The following ADAMTS12 variants were observed in gnomAD, a reference collection of about 807,000 sequenced individuals.
The protein encoded by ADAMTS12 is ADAM metallopeptidase with thrombospondin type 1 motif 12.
A neutral mutation model predicts 167.8 loss-of-function variants in ADAMTS12; 118 were observed. The ratio of observed to expected loss-of-function variants is 0.70; its 90% confidence interval spans 0.61 to 0.82. The LOEUF (loss-of-function observed/expected upper bound fraction) is 0.82. Ranked by LOEUF, ADAMTS12 falls within the 40% of genes least tolerant of loss-of-function variation. The probability of loss-of-function intolerance (pLI) is 0.00; values close to 1 mark genes in which losing one functional copy is unlikely to be tolerated. For missense variants in ADAMTS12, 1,916 were observed against 1,998.8 expected (o/e 0.96, Z 0.79); for synonymous variants, 704 against 716.9 (o/e 0.98, Z 0.29).
At chr5:33,809,847 C>T (rs115067935) in intron 2 of ADAMTS12, among the ~76,000 whole-genome samples, 2,102 of 151,312 alleles carry the variant, frequency 0.014, 53 homozygotes, top group African/African-American at 0.049. Context: ...GAGTTCCAGG[C>T]AGATGGGAGG....
chr5:33,732,236 T>TA (rs1744219439), intron 3 of ADAMTS12, among the ~76,000 whole-genome samples: 1 of 151,886 alleles, frequency 6.6e-6, no homozygotes, highest in East Asian at 1.9e-4. Flanking sequence ...ATAGAAGTGC[T>TA]AAAAAAAATA....
At chr5:33,771,820 C>T (rs2112426575) in intron 2 of ADAMTS12, among the ~76,000 whole-genome samples, 1 of 151,068 alleles carries the variant, frequency 6.6e-6, no homozygotes, top group Non-Finnish European at 1.5e-5. Flanking sequence ...TCCCCTCATC[C>T]TTTTTCTTTC....
At chr5:33,850,967 G>T (rs922975873) in intron 2 of ADAMTS12, among the ~76,000 whole-genome samples, 1 of 152,218 alleles carries the variant, frequency 6.6e-6, no homozygotes, top group South Asian at 2.1e-4. Flanking sequence ...CTGGAATCTT[G>T]AGTGTTAAGA....
chr5:33,578,119 C>A (rs1391095727), intron 18 of ADAMTS12, among the ~76,000 whole-genome samples: 1 of 152,146 alleles, frequency 6.6e-6, no homozygotes, highest in Non-Finnish European at 1.5e-5. Flanking sequence ...AGTCAACCAC[C>A]AAATAGTTGG....
Position 33,548,295 on chromosome 5 carries a change from C to T in ADAMTS12, c.4302+912G>A, listed in dbSNP as rs148525833. Reference sequence around the variant, plus strand: ...ATCAAAGATGAGCAATCAAATCTTTCTGGTTGTGAATGCCTTATGTTTGAA... The same window carrying T: ...ATCAAAGATGAGCAATCAAATCTTTTTGGTTGTGAATGCCTTATGTTTGAA... On this transcript the variant is annotated intron_variant, in intron 21 of 23. Coordinates refer to ENST00000504830, the MANE Select transcript of ADAMTS12 (RefSeq NM_030955.4). Among the ~76,000 whole-genome samples, 12 of 152,318 alleles carry T rather than the reference C, an allele frequency of 7.9e-5. No individual in the cohort carries two copies. In the East Asian group the frequency reaches 2.1e-3, roughly 27 times the overall value.
intron 1 of ADAMTS12, among the ~76,000 whole-genome samples, chr5:33,883,302 T>G (rs1750515543): frequency 6.6e-6 from 1 of 151,210 alleles, no homozygotes; most frequent in Non-Finnish European, 1.5e-5. Context: ...AGAGTTTTTT[T>G]GTTTGTTTGT....
chr5:33,669,163 A>G (rs561258826), intron 5 of ADAMTS12, among the ~76,000 whole-genome samples: 3 of 152,332 alleles, frequency 2.0e-5, no homozygotes, highest in African/African-American at 7.2e-5. Context: ...GAACATGTCT[A>G]TGTTCAGCAA....
chr5:33,776,758 G>A (rs1336102111), intron 2 of ADAMTS12, among the ~76,000 whole-genome samples: 2 of 151,612 alleles, frequency 1.3e-5, no homozygotes, highest in Non-Finnish European at 3.0e-5. Flanking sequence ...AAAATTAATA[G>A]AAGATAAATA....
intron 19 of ADAMTS12, among the ~76,000 whole-genome samples, chr5:33,567,005 C>T (rs1746047181): frequency 6.6e-6 from 1 of 152,186 alleles, no homozygotes; most frequent in Non-Finnish European, 1.5e-5. Flanking sequence ...CTACCATCAG[C>T]ACTGCAGACT....
rs150594629 is a variant in ADAMTS12, at chr5:33,854,005, A to G, written c.489+27114T>C. 1.3e-3 allele frequency among the ~76,000 whole-genome samples: 203 copies of G among 152,370 alleles called. 1 individual carries two copies. The highest frequency in any genetic ancestry group is 4.6e-3 in the African/African-American group (193 of 41,598). ...CATAGTCGAGCTAGGACTTGAGCTCAGCTCCTCCAACTCCCAAATTCGGTG... is the reference window on the plus strand; with the variant it reads ...CATAGTCGAGCTAGGACTTGAGCTCGGCTCCTCCAACTCCCAAATTCGGTG... On this transcript the variant is annotated intron_variant, in intron 2 of 23. Transcript: ENST00000504830.
intron 2 of ADAMTS12, among the ~76,000 whole-genome samples, chr5:33,864,730 A>G (rs1749747510): frequency 6.6e-6 from 1 of 152,198 alleles, no homozygotes; most frequent in Admixed American, 6.5e-5. Flanking sequence ...TCAGCAAACT[A>G]ACACAGGAAC....
chr5:33,544,093 G>A (rs1277589213), intron 22 of ADAMTS12, among the ~76,000 whole-genome samples: 1 of 152,146 alleles, frequency 6.6e-6, no homozygotes, highest in Non-Finnish European at 1.5e-5. Context: ...CAGATGACAT[G>A]ATTTTATATT....
At chr5:33,609,068 A>C (rs941060326) in intron 16 of ADAMTS12, among the ~76,000 whole-genome samples, 3 of 152,168 alleles carry the variant, frequency 2.0e-5, no homozygotes, top group Non-Finnish European at 4.4e-5. Context: ...AATTTCTTTA[A>C]AATAAGGTAT....
rs1579905051 is a variant in ADAMTS12, at chr5:33,751,492, A to C, written c.546T>G (p.His182Gln). 6.2e-7 allele frequency: 1 copy of C among 1,614,128 alleles called. No homozygotes were observed. Among genetic ancestry groups the C allele is most frequent in the Non-Finnish European group, 8.5e-7 (1 of 1,180,004 alleles). Residue 182 changes from histidine to glutamine, a missense_variant, in exon 3 of 24, where the codon CAT becomes CAG. Physicochemically the swap from His to Gln is conservative, Grantham distance 24 (BLOSUM62 0). Coordinates refer to ENST00000504830, the MANE Select transcript of ADAMTS12 (RefSeq NM_030955.4). The stretch of plus-strand genomic sequence containing the variant: ...GGTGGTACCCTCCCTCAACCAGTGG[A>C]TGCTTCTTCACGGGTTCAATGAAAA... Reference protein sequence around the residue: ...GDFFIEPVKKHPLVEGGYHPH... With the variant: ...GDFFIEPVKKQPLVEGGYHPH...
intron 13 of ADAMTS12, among the ~76,000 whole-genome samples, chr5:33,625,618 G>A (rs143075273): frequency 1.3e-5 from 2 of 152,266 alleles, no homozygotes; most frequent in Non-Finnish European, 2.9e-5. Context: ...AGTCAGAAAA[G>A]CAAACATCTG....
At chr5:33,764,060 C>G (rs1014841974) in intron 2 of ADAMTS12, among the ~76,000 whole-genome samples, 3 of 152,174 alleles carry the variant, frequency 2.0e-5, no homozygotes, top group African/African-American at 7.2e-5. Flanking sequence ...GTGGCTTCTT[C>G]TATAAAACCA....
At chr5:33,846,857 C>G (rs979560594) in intron 2 of ADAMTS12, among the ~76,000 whole-genome samples, 2 of 152,234 alleles carry the variant, frequency 1.3e-5, no homozygotes, top group African/African-American at 4.8e-5. Context: ...TAAAATTGCA[C>G]ACCAATTAGC....
chr5:33,774,492 C>T (rs765778185), intron 2 of ADAMTS12, among the ~76,000 whole-genome samples: 1 of 152,096 alleles, frequency 6.6e-6, no homozygotes, highest in Non-Finnish European at 1.5e-5. Context: ...TGGCTTCATA[C>T]AGAACATTGT....
intron 3 of ADAMTS12, among the ~76,000 whole-genome samples, chr5:33,736,296 C>A (rs1744372806): frequency 6.6e-6 from 1 of 152,168 alleles, no homozygotes; most frequent in Non-Finnish European, 1.5e-5. Context: ...CTCCTGACCT[C>A]AGTTGATCCA....
Sources: gnomAD v4.1 joint callset for allele counts (sites outside exome capture counted in the v4.1 genomes callset) on GRCh38, gnomAD v4.1.1 for gene constraint, MANE v1.5 for transcripts, NCBI Gene and HGNC (gene_info 2026-07-23, HGNC 2026-07-21) for gene names.